The following CALN1 variants were observed in gnomAD, a reference collection of about 807,000 sequenced individuals.
CALN1 encodes the protein calcium-binding protein 8.
CALN1 carries 17 observed loss-of-function variants against 30.6 expected under a neutral mutation model. The observed-to-expected ratio is 0.56, with a 90% CI of 0.38 to 0.83. CALN1 has a LOEUF of 0.83. Ranked by LOEUF, CALN1 falls within the 40% of genes least tolerant of loss-of-function variation. The probability of loss-of-function intolerance (pLI) is 0.00; values close to 1 mark genes in which losing one functional copy is unlikely to be tolerated. For missense variants in CALN1, 291 were observed against 354.9 expected (o/e 0.82, Z 1.45); for synonymous variants, 156 against 131.4 (o/e 1.19, Z -1.28).
chr7:72,421,845 C>T (rs1807623272), intron 1 of CALN1, among the ~76,000 whole-genome samples: 1 of 152,088 alleles, frequency 6.6e-6, no homozygotes. Flanking sequence ...GCCTCAGTCT[C>T]CCAATATCCC....
chr7:72,329,676 G>A (rs1323629521), intron 2 of CALN1, among the ~76,000 whole-genome samples: 3 of 152,324 alleles, frequency 2.0e-5, no homozygotes, highest in Admixed American at 1.3e-4. Context: ...TTTCTTGGTT[G>A]GGCGCGGTGG....
chr7:72,043,865 A>G (rs1229950321), intron 4 of CALN1, among the ~76,000 whole-genome samples: 1 of 152,236 alleles, frequency 6.6e-6, no homozygotes, highest in African/African-American at 2.4e-5. Context: ...TTACAGTTCC[A>G]CATGGCTGGG....
intron 3 of CALN1, among the ~76,000 whole-genome samples, chr7:72,209,336 C>A (rs1427822341): frequency 2.6e-5 from 2 of 76,178 alleles, no homozygotes; most frequent in Admixed American, 1.2e-4. Flanking sequence ...CTCTTTCCTT[C>A]CCTCTTTCCT....
chr7:72,413,805 C>T (rs1260027668), upstream of CALN1, among the ~76,000 whole-genome samples: 1 of 151,918 alleles, frequency 6.6e-6, no homozygotes, highest in Non-Finnish European at 1.5e-5. Flanking sequence ...CAAACATTCC[C>T]ACTTATGCAT....
intron 3 of CALN1, among the ~76,000 whole-genome samples, chr7:72,277,361 C>T (rs1797403041): frequency 6.6e-6 from 1 of 152,200 alleles, no homozygotes. Flanking sequence ...CAATTTCCTG[C>T]TTCTGTGTCC....
At chr7:72,241,888 T>G (rs997935105) in intron 3 of CALN1, among the ~76,000 whole-genome samples, 4 of 152,166 alleles carry the variant, frequency 2.6e-5, no homozygotes, top group African/African-American at 9.7e-5. Context: ...CTCTCTCTTT[T>G]TAGTCATTTA....
chr7:72,124,676 G>C (rs1399392168), intron 3 of CALN1, among the ~76,000 whole-genome samples: 1 of 149,612 alleles, frequency 6.7e-6, no homozygotes, highest in Non-Finnish European at 1.5e-5. Context: ...AATATAATTA[G>C]ATGACAAAAG....
chr7:72,437,525 A>AGTGAGTGTGTGTGT (rs1808199666), intron 1 of CALN1, among the ~76,000 whole-genome samples: 1 of 150,638 alleles, frequency 6.6e-6, no homozygotes, highest in Admixed American at 6.6e-5. Context: ...AGTTGTGTGG[A>AGTGAGTGTGTGTGT]GTGTGTGTGT....
chr7:72,246,591 G>C (rs1166335085), intron 3 of CALN1, among the ~76,000 whole-genome samples: 1 of 151,862 alleles, frequency 6.6e-6, no homozygotes, highest in Non-Finnish European at 1.5e-5. Flanking sequence ...CTAAGAAAGT[G>C]ATGAAAAAAA....
intron 5 of CALN1, among the ~76,000 whole-genome samples, chr7:71,978,268 T>A (rs1218633531): frequency 1.8e-5 from 2 of 113,944 alleles, no homozygotes; most frequent in African/African-American, 5.8e-5. Context: ...AATTCTTTTT[T>A]TTTTTTTTTT....
chr7:72,053,788 C>T (rs553540168), intron 4 of CALN1, among the ~76,000 whole-genome samples: 93 of 151,428 alleles, frequency 6.1e-4, no homozygotes, highest in Non-Finnish European at 1.6e-4. Context: ...CCCTCACCCC[C>T]CTCCCACCCT....
intron 2 of CALN1, among the ~76,000 whole-genome samples, chr7:72,328,521 T>G (rs1354165460): frequency 6.6e-6 from 1 of 152,218 alleles, no homozygotes; most frequent in African/African-American, 2.4e-5. Flanking sequence ...GTCTCAGGTA[T>G]GTCTTTATTA....
At chr7:71,910,011 G>A (rs192364538) in intron 5 of CALN1, among the ~76,000 whole-genome samples, 5 of 152,306 alleles carry the variant, frequency 3.3e-5, no homozygotes, top group Admixed American at 3.3e-4. Flanking sequence ...AAGGCAGCAG[G>A]CAAGAGAGCT....
At chr7:72,278,628 A>T in intron 3 of CALN1, 58 bp downstream of exon 3, 5 of 1,587,166 alleles carry the variant, frequency 3.2e-6, no homozygotes, top group Non-Finnish European at 4.3e-6. Context: ...GCTTCACAAT[A>T]GCCAGAAACA....
chr7:72,352,659 A>T (rs1014721423), intron 2 of CALN1, among the ~76,000 whole-genome samples: 1 of 152,172 alleles, frequency 6.6e-6, no homozygotes, highest in Non-Finnish European at 1.5e-5. Context: ...TACAAGGAAA[A>T]TTATAGCTTA....
In CALN1 at chr7:71,889,011, T is replaced by C. The variant is rs151297306; in HGVS notation, c.502-78519A>G. Among the ~76,000 whole-genome samples the C allele has an allele frequency of 5.5e-3, 840 of 152,296 alleles. 12 individuals carry two copies. The highest frequency in any genetic ancestry group is 0.018 in the African/African-American group (757 of 41,562). On this transcript the variant is annotated intron_variant, in intron 5 of 6. Transcript: ENST00000395275. ...GAGATCAGGAAAGGTAGGAACAACT[T>C]GGGGTACCAGCTACACAGAACAGAA...
chr7:71,865,320 T>G (rs1299450179), intron 5 of CALN1, among the ~76,000 whole-genome samples: 1 of 152,158 alleles, frequency 6.6e-6, no homozygotes, highest in African/African-American at 2.4e-5. Flanking sequence ...TCTCTATCTC[T>G]TCCTCCAGCT....
chr7:71,913,043 G>A (rs1310927250), intron 5 of CALN1, among the ~76,000 whole-genome samples: 1 of 152,174 alleles, frequency 6.6e-6, no homozygotes, highest in Non-Finnish European at 1.5e-5. Context: ...ATAAGCACTT[G>A]CAGGTGATGA....
At chr7:71,837,579 A>G (rs1789697615) in intron 5 of CALN1, among the ~76,000 whole-genome samples, 1 of 152,172 alleles carries the variant, frequency 6.6e-6, no homozygotes, top group Admixed American at 6.6e-5. Context: ...AAGGCAACAG[A>G]ATATAAATCA....
Sources: gnomAD v4.1 joint callset for allele counts (sites outside exome capture counted in the v4.1 genomes callset) on GRCh38, gnomAD v4.1.1 for gene constraint, MANE v1.5 for transcripts, NCBI Gene and HGNC (gene_info 2026-07-23, HGNC 2026-07-21) for gene names.